TRAF3IP1: variants seen among roughly 807,000 people sequenced by gnomAD.
The protein encoded by TRAF3IP1 is TRAF3-interacting protein 1.
In TRAF3IP1, 53 loss-of-function variants were observed where a neutral mutation model predicts 89.9. That is an observed-to-expected ratio of 0.59 (90% CI 0.47 to 0.74). TRAF3IP1 has a LOEUF of 0.74. Among genes scored for constraint, TRAF3IP1 ranks in the 30% least tolerant of loss-of-function variants. The pLI is 0.00. For missense variants in TRAF3IP1, 806 were observed against 866.1 expected (o/e 0.93, Z 0.87); for synonymous variants, 311 against 322.1 (o/e 0.97, Z 0.37).
At chr2:238,339,262 A>G (rs919407481) in intron 8 of TRAF3IP1, among the ~76,000 whole-genome samples, 1 of 152,170 alleles carries the variant, frequency 6.6e-6, no homozygotes, top group Non-Finnish European at 1.5e-5. Flanking sequence ...ATTTTATTCC[A>G]AGTAGGGTGA....
chr2:238,382,745 A>G (rs1331614845), intron 15 of TRAF3IP1, among the ~76,000 whole-genome samples: 2 of 151,702 alleles, frequency 1.3e-5, no homozygotes, highest in African/African-American at 4.8e-5. Flanking sequence ...TGCTCAAGAG[A>G]GTCCCACCCC....
intron 5 of TRAF3IP1, among the ~76,000 whole-genome samples, chr2:238,331,504 T>C (rs2014083): frequency 0.72 from 109,157 of 152,072 alleles, 39,369 homozygotes; most frequent in Middle Eastern, 0.77. Flanking sequence ...AAAAGAAATT[T>C]TTAGAGGCTG....
At chr2:238,359,926 A>G (rs767617140) in intron 15 of TRAF3IP1, among the ~76,000 whole-genome samples, 2 of 152,176 alleles carry the variant, frequency 1.3e-5, no homozygotes, top group Non-Finnish European at 2.9e-5. Flanking sequence ...AATTTTAACA[A>G]TATGTCAGCA....
intron 5 of TRAF3IP1, among the ~76,000 whole-genome samples, chr2:238,330,989 A>AT (rs1698090125): frequency 6.6e-6 from 1 of 151,986 alleles, no homozygotes; most frequent in Non-Finnish European, 1.5e-5. Context: ...CATGGACCTG[A>AT]TTTTTCTGAG....
chr2:238,352,746 G>A (rs1699229628), intron 12 of TRAF3IP1, 81 bp from the exon 13 acceptor site: 2 of 1,399,208 alleles, frequency 1.4e-6, no homozygotes, highest in Non-Finnish European at 1.9e-6. Context: ...ATTCCTCTCT[G>A]CCGACCTCTG....
chr2:238,389,748 A>AAACAATAAT (rs1700917406), intron 15 of TRAF3IP1, among the ~76,000 whole-genome samples: 1 of 146,336 alleles, frequency 6.8e-6, no homozygotes, highest in African/African-American at 2.5e-5. Flanking sequence ...ACTCCATCTC[A>AAACAATAAT]AATAATAATA....
chr2:238,344,626 C>G, intron 9 of TRAF3IP1, 28 bp downstream of exon 9: 1 of 1,592,452 alleles, frequency 6.3e-7, no homozygotes, highest in Non-Finnish European at 8.6e-7. Context: ...TCGCCCTTTC[C>G]TGGCGAGAGC....
chr2:238,326,978 TC>T (rs1697867921), intron 3 of TRAF3IP1, among the ~76,000 whole-genome samples: 1 of 152,194 alleles, frequency 6.6e-6, no homozygotes, highest in Admixed American at 6.5e-5. Flanking sequence ...AAAAAGCACA[TC>T]TGGCTCCTGT....
rs1422982749 is a variant in TRAF3IP1 at position 238,328,753 on chromosome 2, C to T, written c.422C>T (p.Ser141Leu). ...AAGGGAGAAGTGAAAGGCCGGGCCT[C>T]ACTGACCTCAAGATCTCAGGAATTG... ...GEKGEVKGRASLTSRSQELDN... is the reference protein window; with the variant it reads ...GEKGEVKGRALLTSRSQELDN... The change falls in exon 4 of 17, where the codon TCA becomes TTA. Residue 141 changes from serine (S) to leucine (L), a missense_variant. Coordinates refer to ENST00000373327, the MANE Select transcript of TRAF3IP1 (RefSeq NM_015650.4). 1.9e-6 allele frequency: 3 copies of T among 1,613,956 alleles called. No individual in the cohort carries two copies. The highest frequency in any genetic ancestry group is 2.5e-6 in the Non-Finnish European group (3 of 1,179,994).
chr2:238,367,912 T>C (rs1365111722), intron 15 of TRAF3IP1, among the ~76,000 whole-genome samples: 1 of 152,246 alleles, frequency 6.6e-6, no homozygotes, highest in African/African-American at 2.4e-5. Flanking sequence ...TGAGCTGCTT[T>C]TTTTGGAGCA....
intron 2 of TRAF3IP1, 75 bp downstream of exon 2, chr2:238,325,449 G>A: frequency 6.8e-7 from 1 of 1,467,860 alleles, no homozygotes; most frequent in African/African-American, 1.4e-5. Flanking sequence ...TGGTAGTGTG[G>A]CTTGTGTCAT....
Position 238,352,822 on chromosome 2 carries a change from T to C in TRAF3IP1, c.1452-5T>C. 1 of 1,594,392 alleles carries C rather than the reference T, an allele frequency of 6.3e-7. No homozygotes were observed. The highest frequency in any genetic ancestry group is 8.5e-7 in the Non-Finnish European group (1 of 1,173,818). On this transcript the variant is annotated splice_region_variant and splice_polypyrimidine_tract_variant and intron_variant, in intron 12 of 16. Transcript: ENST00000373327. The stretch of plus-strand genomic sequence containing the variant: ...TCTAATTTAATCTAATTTCTTTTTA[T>C]TTAGGTCAGGGAGTGGTAAAACCGT...
chr2:238,344,056 T>C (rs1308319585), intron 8 of TRAF3IP1, among the ~76,000 whole-genome samples: 1 of 152,126 alleles, frequency 6.6e-6, no homozygotes, highest in Admixed American at 6.5e-5. Flanking sequence ...GTAGACAATA[T>C]GTGGAAGTTT....
chr2:238,382,224 G>T (rs530651869), intron 15 of TRAF3IP1, among the ~76,000 whole-genome samples: 2 of 152,274 alleles, frequency 1.3e-5, no homozygotes, highest in Admixed American at 6.5e-5. Context: ...TGCCACAGTG[G>T]TTCTCCTGCA....
At position 238,366,029 on chromosome 2, in the gene TRAF3IP1, A is replaced by G. The variant is rs1159225207; in HGVS notation, c.1689+9949A>G. Among the ~76,000 whole-genome samples, 4 of 152,280 alleles carry G rather than the reference A, an allele frequency of 2.6e-5. No individual in the cohort carries two copies. The East Asian group carries it at 7.7e-4, about 29-fold the overall frequency. ...GGGAGGCCGAGGCGGGCAGATCACA[A>G]GGTCAGGAGATCGAGACCATCCTGG... On this transcript the variant is annotated intron_variant, in intron 15 of 16. Transcript: ENST00000373327.
At chr2:238,348,397 T>C (rs1698997970) in intron 10 of TRAF3IP1, among the ~76,000 whole-genome samples, 1 of 152,210 alleles carries the variant, frequency 6.6e-6, no homozygotes, top group South Asian at 2.1e-4. Flanking sequence ...TACTGATTGA[T>C]TGTCAGTATT....
In TRAF3IP1 at chr2:238,395,189, G is replaced by C. The variant is rs531879038; in HGVS notation, c.1690-2270G>C. ...GAGAGTAGCCTGGGCAACATAGTGA[G>C]ACCCTGGCTGTAAAGAAAGAGAGAG... On this transcript the variant is annotated intron_variant, in intron 15 of 16. Coordinates refer to ENST00000373327, the MANE Select transcript of TRAF3IP1 (RefSeq NM_015650.4). 2.4e-4 allele frequency among the ~76,000 whole-genome samples: 36 copies of C among 152,230 alleles called. No homozygotes were observed. The East Asian group carries it at 5.6e-3, about 24-fold the overall frequency.
chr2:238,389,416 A>G (rs1023056275), intron 15 of TRAF3IP1, among the ~76,000 whole-genome samples: 4 of 149,336 alleles, frequency 2.7e-5, no homozygotes, highest in African/African-American at 9.9e-5. Flanking sequence ...TATTATTTCC[A>G]TCTTCATTTT....
Position 238,379,481 on chromosome 2 carries a change from C to T in TRAF3IP1, c.1690-17978C>T, listed in dbSNP as rs993794854. Among the ~76,000 whole-genome samples the T allele has an allele frequency of 2.6e-5, 4 of 152,226 alleles. No homozygotes were observed. The highest frequency in any genetic ancestry group is 4.4e-5 in the Non-Finnish European group (3 of 68,042). On this transcript the variant is annotated intron_variant, in intron 15 of 16. Coordinates refer to ENST00000373327, the MANE Select transcript of TRAF3IP1 (RefSeq NM_015650.4). The surrounding 1 kb of genome is among the most constrained non-coding windows in gnomAD (Gnocchi z 4.0). ...ACACCTGCTCGTGTGAAGGCGGCAG[C>T]GTGGTGCCATCACTTGGGTATTTGG... is the stretch of plus-strand genomic sequence containing the variant.
Sources: gnomAD v4.1 joint callset for allele counts (sites outside exome capture counted in the v4.1 genomes callset) on GRCh38, gnomAD v4.1.1 for gene constraint, Gnocchi (gnomAD v3.1) non-coding constraint, MANE v1.5 for transcripts, NCBI Gene and HGNC (gene_info 2026-07-23, HGNC 2026-07-21) for gene names.